Variants in ADAMTS9 observed in about 807,000 individuals in gnomAD.
ADAMTS9 encodes A disintegrin and metalloproteinase with thrombospondin motifs 9.
A neutral mutation model predicts 257.1 loss-of-function variants in ADAMTS9; 107 were observed. The ratio of observed to expected loss-of-function variants is 0.42; its 90% CI spans 0.36 to 0.49. The LOEUF is 0.49. Ranked by LOEUF, ADAMTS9 falls within the 20% of genes least tolerant of loss-of-function variation. The probability of loss-of-function intolerance (pLI) is 0.03; values close to 1 mark genes in which losing one functional copy is unlikely to be tolerated. For synonymous variants in ADAMTS9, 982 were observed against 880.9 expected (o/e 1.11, Z -2.03); for missense variants, 2,353 against 2,469.1 (o/e 0.95, Z 1.00).
intron 28 of ADAMTS9, among the ~76,000 whole-genome samples, chr3:64,575,617 G>T (rs1437207345): frequency 2.6e-5 from 4 of 152,126 alleles, no homozygotes; most frequent in Non-Finnish European, 4.4e-5. Flanking sequence ...GCTTTAAAAT[G>T]TTGCAAAGGT....
At chr3:64,636,614 T>G (rs1006293411) in intron 12 of ADAMTS9, among the ~76,000 whole-genome samples, 2 of 152,220 alleles carry the variant, frequency 1.3e-5, no homozygotes, top group African/African-American at 4.8e-5. Flanking sequence ...CAGCCCGCCA[T>G]TGATTTTTGC....
At chr3:64,536,157 G>A (rs950659593) in intron 37 of ADAMTS9, among the ~76,000 whole-genome samples, 12 of 152,290 alleles carry the variant, frequency 7.9e-5, no homozygotes, top group South Asian at 4.1e-4. Flanking sequence ...TTCCCAGAGG[G>A]GTTGATGAAC....
chr3:64,642,356 T>G (rs1459455541), intron 11 of ADAMTS9, among the ~76,000 whole-genome samples: 1 of 152,140 alleles, frequency 6.6e-6, no homozygotes, highest in Non-Finnish European at 1.5e-5. Flanking sequence ...ATTTGCATAG[T>G]GAATTTCCAT....
chr3:64,563,323 A>G (rs2083461603), intron 29 of ADAMTS9: 1 of 152,210 alleles, frequency 6.6e-6, no homozygotes, highest in South Asian at 2.1e-4. Context: ...ACAACCAAAA[A>G]GTCTTTTGAC....
chr3:64,607,416 T>A (rs1328881034), intron 22 of ADAMTS9, among the ~76,000 whole-genome samples: 2 of 152,160 alleles, frequency 1.3e-5, no homozygotes, highest in Non-Finnish European at 2.9e-5. Flanking sequence ...AATAGGTACT[T>A]AATAGAGCTC....
intron 30 of ADAMTS9, among the ~76,000 whole-genome samples, chr3:64,553,558 A>G (rs1473374498): frequency 2.6e-5 from 4 of 151,786 alleles, no homozygotes; most frequent in African/African-American, 7.3e-5. Flanking sequence ...GGGTATATAT[A>G]CCTGGGAGTG....
intron 3 of ADAMTS9, among the ~76,000 whole-genome samples, chr3:64,661,299 G>C (rs1328075101): frequency 1.5e-5 from 2 of 136,846 alleles, no homozygotes; most frequent in Non-Finnish European, 3.0e-5. Flanking sequence ...ACTGGCATTT[G>C]TATACATATA....
chr3:64,597,510 G>C (rs1462328406), intron 26 of ADAMTS9, among the ~76,000 whole-genome samples: 1 of 152,170 alleles, frequency 6.6e-6, no homozygotes, highest in African/African-American at 2.4e-5. Flanking sequence ...ATGTCATTTA[G>C]ACATCATTTC....
chr3:64,531,067 A>C (rs1165891096), intron 38 of ADAMTS9, among the ~76,000 whole-genome samples: 1 of 152,224 alleles, frequency 6.6e-6, no homozygotes, highest in Non-Finnish European at 1.5e-5. Context: ...AAAATATTTA[A>C]TGACTAATTT....
At chr3:64,526,766 A>G (rs937479797) in intron 38 of ADAMTS9, among the ~76,000 whole-genome samples, 5 of 152,192 alleles carry the variant, frequency 3.3e-5, no homozygotes, top group African/African-American at 9.6e-5. Flanking sequence ...TAGGGATAAT[A>G]ATAGTACCCC....
At chr3:64,594,887 A>G (rs1027292420) in intron 27 of ADAMTS9, among the ~76,000 whole-genome samples, 1 of 152,056 alleles carries the variant, frequency 6.6e-6, no homozygotes, top group African/African-American at 2.4e-5. Context: ...CCCAGGTTCA[A>G]GTGATTCTCC....
chr3:64,621,945 G>A (rs565082260), intron 18 of ADAMTS9, among the ~76,000 whole-genome samples: 27 of 151,970 alleles, frequency 1.8e-4, no homozygotes, highest in Non-Finnish European at 7.4e-5. Flanking sequence ...TTACAATGGC[G>A]GAGGTGATTT....
intron 37 of ADAMTS9, among the ~76,000 whole-genome samples, chr3:64,537,974 T>C (rs2083071102): frequency 6.6e-6 from 1 of 152,202 alleles, no homozygotes; most frequent in Non-Finnish European, 1.5e-5. Flanking sequence ...CAAGAAAGTG[T>C]AGAACCACAG....
intron 36 of ADAMTS9, among the ~76,000 whole-genome samples, chr3:64,539,983 C>G (rs2083099686): frequency 6.6e-6 from 1 of 152,260 alleles, no homozygotes; most frequent in Non-Finnish European, 1.5e-5. Context: ...CCTGCAAAAG[C>G]TGTCTGCCAG....
At chr3:64,636,230 A>T (rs1188824979) in intron 12 of ADAMTS9, among the ~76,000 whole-genome samples, 2 of 152,120 alleles carry the variant, frequency 1.3e-5, no homozygotes, top group African/African-American at 4.8e-5. Context: ...TGCTTTGACC[A>T]CTATAACATG....
At chr3:64,658,002 T>C (rs1701123885) in intron 4 of ADAMTS9, among the ~76,000 whole-genome samples, 1 of 152,172 alleles carries the variant, frequency 6.6e-6, no homozygotes, top group Admixed American at 6.5e-5. Context: ...TTTTTAGAAG[T>C]TCCACAGGTG....
At chr3:64,575,748 G>A (rs978293763) in intron 28 of ADAMTS9, among the ~76,000 whole-genome samples, 2 of 152,146 alleles carry the variant, frequency 1.3e-5, no homozygotes, top group Non-Finnish European at 2.9e-5. Flanking sequence ...TGGGAGAATA[G>A]TAGTAACTGT....
chr3:64,575,658 C>T (rs1426778103), intron 28 of ADAMTS9, among the ~76,000 whole-genome samples: 1 of 152,106 alleles, frequency 6.6e-6, no homozygotes, highest in Non-Finnish European at 1.5e-5. Flanking sequence ...GGCTGGAATC[C>T]TACCCTACCT....
In ADAMTS9 at chr3:64,639,304, TTTTTTTTTAA is replaced by T. The variant is rs1384098870; in HGVS notation, c.1856+2534_1856+2543del. Among the ~76,000 whole-genome samples the T allele has an allele frequency of 1.2e-4, 18 of 144,576 alleles. 1 individual carries two copies. Among genetic ancestry groups the T allele is most frequent in the African/African-American group, 4.7e-4 (18 of 38,468 alleles). The allele number at this position is 144,576 out of a possible 152,430, so 94.8% of individuals were successfully genotyped here. On this transcript the variant is annotated intron_variant, in intron 12 of 39. Coordinates refer to ENST00000498707, the MANE Select transcript of ADAMTS9 (RefSeq NM_182920.2). Reference sequence around the variant, plus strand: ...CAACTAGGTGGATTGTTTTTTTTTTTTTTTTTTTAAAAAAAAAAAAAAAAAAACCTCCCAT... The same window carrying T: ...CAACTAGGTGGATTGTTTTTTTTTTTAAAAAAAAAAAAAAAAACCTCCCAT...
Sources: allele counts gnomAD v4.1 joint callset (sites outside exome capture counted in the v4.1 genomes callset), GRCh38; gene constraint gnomAD v4.1.1; transcripts MANE v1.5; gene names NCBI Gene and HGNC (gene_info 2026-07-23, HGNC 2026-07-21).